The following DNM3 variants were observed in gnomAD, a reference collection of about 807,000 sequenced individuals.
DNM3 encodes dynamin 3.
DNM3 carries 47 observed loss-of-function variants against 101.6 expected under a neutral mutation model. That is an observed-to-expected ratio of 0.46 (90% CI 0.37 to 0.59). The LOEUF is 0.59. Ranked by LOEUF, DNM3 falls within the 20% of genes least tolerant of loss-of-function variation. The probability of loss-of-function intolerance (pLI) is 0.00; values close to 1 mark genes in which losing one functional copy is unlikely to be tolerated. For synonymous variants in DNM3, 385 were observed against 387.9 expected, an observed-to-expected ratio of 0.99 and a Z score of 0.09; for missense variants, 849 against 1,085.7, an observed-to-expected ratio of 0.78 and a Z score of 3.06.
chr1:172,076,813 G>A (rs2052689882), intron 11 of DNM3, among the ~76,000 whole-genome samples: 1 of 152,156 alleles, frequency 6.6e-6, no homozygotes, highest in Non-Finnish European at 1.5e-5. Flanking sequence ...TTGGTATTAG[G>A]ATGACGTTGG....
At chr1:172,130,412 A>G (rs1479355243) in intron 13 of DNM3, among the ~76,000 whole-genome samples, 2 of 152,166 alleles carry the variant, frequency 1.3e-5, no homozygotes, top group African/African-American at 4.8e-5. Context: ...TCCTTAAATT[A>G]TATAAATACT....
intron 4 of DNM3, among the ~76,000 whole-genome samples, chr1:172,017,268 T>C (rs2047511793): frequency 6.6e-6 from 1 of 152,166 alleles, no homozygotes; most frequent in Middle Eastern, 3.2e-3. Flanking sequence ...CTCTTCTTTT[T>C]CTAGTATTCT....
At chr1:171,896,494 A>G (rs1231347353) in intron 1 of DNM3, among the ~76,000 whole-genome samples, 1 of 152,034 alleles carries the variant, frequency 6.6e-6, no homozygotes, top group Non-Finnish European at 1.5e-5. Context: ...GATTTTGTAT[A>G]TTTTGTATCC....
chr1:172,307,761 A>T (rs2064899600), intron 15 of DNM3, among the ~76,000 whole-genome samples: 1 of 152,118 alleles, frequency 6.6e-6, no homozygotes, highest in Non-Finnish European at 1.5e-5. Context: ...TTCTGAGCAA[A>T]TTATCACAAG....
chr1:171,896,480 C>A (rs78559074), intron 1 of DNM3, among the ~76,000 whole-genome samples: 3,384 of 152,218 alleles, frequency 0.022, 119 homozygotes, highest in African/African-American at 0.077. Flanking sequence ...GATTTTTGCA[C>A]ATCGATTTTG....
At chr1:172,219,400 AAAG>A (rs1419520410) in intron 14 of DNM3, among the ~76,000 whole-genome samples, 75 of 150,692 alleles carry the variant, frequency 5.0e-4, no homozygotes, top group African/African-American at 1.7e-3. Flanking sequence ...AAAAAAAAAA[AAAG>A]AAGACGCTCT....
At chr1:172,219,810 T>G (rs1431767718) in intron 14 of DNM3, among the ~76,000 whole-genome samples, 2 of 152,140 alleles carry the variant, frequency 1.3e-5, no homozygotes, top group African/African-American at 4.8e-5. Context: ...AGAAGCTATT[T>G]GGATATTTTG....
chr1:172,009,287 T>G (rs1366965021), intron 4 of DNM3, among the ~76,000 whole-genome samples: 2 of 149,676 alleles, frequency 1.3e-5, no homozygotes, highest in Non-Finnish European at 3.0e-5. Flanking sequence ...TACCATAGCT[T>G]TATAGTAAGC....
At position 172,347,202 on chromosome 1, in the gene DNM3, C is replaced by CT. The variant is rs1553240842; in HGVS notation, c.1893+23862_1893+23863insT. On this transcript the variant is annotated intron_variant, in intron 17 of 20. Transcript: ENST00000627582. ...CAGAGGAACTAGCAGAAGCCCCCCC[C>CT]GCCAAAAAAAATTATTTCCTCTCTG... is the stretch of plus-strand genomic sequence containing the variant. 2.8e-3 allele frequency among the ~76,000 whole-genome samples: 426 copies of CT among 151,664 alleles called. 1 individual carries two copies. The highest frequency in any genetic ancestry group is 9.8e-3 in the African/African-American group (403 of 41,308).
At chr1:172,080,219 C>G (rs2053027335) in intron 11 of DNM3, among the ~76,000 whole-genome samples, 1 of 152,132 alleles carries the variant, frequency 6.6e-6, no homozygotes, top group South Asian at 2.1e-4. Context: ...GAAGTTGCAC[C>G]CACAGCTGCC....
At chr1:171,953,422 T>G (rs1455630396) in intron 2 of DNM3, among the ~76,000 whole-genome samples, 1 of 135,890 alleles carries the variant, frequency 7.4e-6, no homozygotes, top group Non-Finnish European at 1.6e-5. Context: ...GCGCAATTCT[T>G]TTTTTTTTTT....
intron 1 of DNM3, among the ~76,000 whole-genome samples, chr1:171,877,821 C>T (rs1412974519): frequency 6.6e-6 from 1 of 152,158 alleles, no homozygotes; most frequent in Non-Finnish European, 1.5e-5. Flanking sequence ...CTGAAGAATT[C>T]AAATTCACAA....
At chr1:171,995,338 C>G (rs2045930174) in intron 4 of DNM3, among the ~76,000 whole-genome samples, 1 of 151,928 alleles carries the variant, frequency 6.6e-6, no homozygotes, top group African/African-American at 2.4e-5. Flanking sequence ...CTCCTGACCT[C>G]AAGAGATCCA....
chr1:171,857,196 A>C (rs1397127449), intron 1 of DNM3, among the ~76,000 whole-genome samples: 2 of 152,190 alleles, frequency 1.3e-5, no homozygotes, highest in African/African-American at 2.4e-5. Context: ...GTCAGGCTTT[A>C]GGAAGATTAA....
intron 4 of DNM3, among the ~76,000 whole-genome samples, chr1:172,019,649 C>A (rs1572110770): frequency 1.4e-5 from 2 of 143,524 alleles, no homozygotes; most frequent in East Asian, 4.1e-4. Flanking sequence ...GTTCTGTTTC[C>A]CACCCTACCC....
chr1:171,992,927 A>G (rs1355008646), intron 4 of DNM3, among the ~76,000 whole-genome samples: 2 of 152,136 alleles, frequency 1.3e-5, no homozygotes, highest in African/African-American at 2.4e-5. Flanking sequence ...ATCTTAATTT[A>G]TAGCAATCTA....
At chr1:171,845,599 A>G (rs1213625296) in intron 1 of DNM3, among the ~76,000 whole-genome samples, 1 of 152,250 alleles carries the variant, frequency 6.6e-6, no homozygotes. Flanking sequence ...TGATTTTATT[A>G]ATATTTATTT....
At chr1:172,400,413 A>AAAGGAGGG (rs930999562) in intron 20 of DNM3, among the ~76,000 whole-genome samples, 4 of 151,754 alleles carry the variant, frequency 2.6e-5, no homozygotes, top group African/African-American at 9.7e-5. Context: ...AGATAGGAAG[A>AAAGGAGGG]AAGGAGGGAA....
chr1:171,882,464 C>T (rs989083203), intron 1 of DNM3, among the ~76,000 whole-genome samples: 25 of 150,544 alleles, frequency 1.7e-4, no homozygotes, highest in Admixed American at 1.3e-3. Context: ...CACACACACA[C>T]GCACCATTTA....
Sources: allele counts gnomAD v4.1 joint callset (sites outside exome capture counted in the v4.1 genomes callset), GRCh38; gene constraint gnomAD v4.1.1; transcripts MANE v1.5; gene names NCBI Gene and HGNC (gene_info 2026-07-23, HGNC 2026-07-21).